SIPA1L3: variants seen among roughly 807,000 people sequenced by gnomAD.
The protein encoded by SIPA1L3 is signal-induced proliferation-associated 1-like protein 3.
A neutral mutation model predicts 150.1 loss-of-function variants in SIPA1L3; 59 were observed. That is an observed-to-expected ratio of 0.39 (90% CI 0.32 to 0.49). The LOEUF is 0.49. Among genes scored for constraint, SIPA1L3 ranks in the 20% least tolerant of loss-of-function variants. The pLI is 0.86. For synonymous variants in SIPA1L3, 1,070 were observed against 1,077.6 expected, an observed-to-expected ratio of 0.99 and a Z score of 0.14; for missense variants, 2,211 against 2,489.5, an observed-to-expected ratio of 0.89 and a Z score of 2.38.
intron 1 of SIPA1L3, among the ~76,000 whole-genome samples, chr19:37,975,847 G>A (rs1055906271): frequency 6.6e-6 from 1 of 152,112 alleles, no homozygotes; most frequent in Admixed American, 6.5e-5. Context: ...GCTCACGCCT[G>A]TAATCCCAGC....
chr19:38,048,235 C>A (rs1478058273), intron 2 of SIPA1L3, among the ~76,000 whole-genome samples: 1 of 152,106 alleles, frequency 6.6e-6, no homozygotes. Flanking sequence ...ACCATCTGGC[C>A]AATGGTTAAG....
At chr19:38,152,407 C>T (rs912155079) in intron 12 of SIPA1L3, among the ~76,000 whole-genome samples, 3 of 152,212 alleles carry the variant, frequency 2.0e-5, no homozygotes, top group South Asian at 4.1e-4. Context: ...AACTCAGGGC[C>T]TGCTGCACCC....
intron 1 of SIPA1L3, among the ~76,000 whole-genome samples, chr19:37,922,618 C>T (rs1321668964): frequency 6.6e-6 from 1 of 151,216 alleles, no homozygotes; most frequent in East Asian, 2.0e-4. Context: ...TGGTCTCGAT[C>T]TCCTGACCTC....
intron 1 of SIPA1L3, among the ~76,000 whole-genome samples, chr19:38,019,261 C>T (rs1968312188): frequency 6.6e-6 from 1 of 152,206 alleles, no homozygotes; most frequent in Non-Finnish European, 1.5e-5. Flanking sequence ...GGCAGCTTCA[C>T]AGTCATCAAG....
chr19:38,126,205 AAAC>A (rs1414601946), intron 9 of SIPA1L3, among the ~76,000 whole-genome samples: 1 of 151,146 alleles, frequency 6.6e-6, no homozygotes, highest in Non-Finnish European at 1.5e-5. Flanking sequence ...AAACAAAACA[AAAC>A]AAAAAAAAAC....
intron 9 of SIPA1L3, among the ~76,000 whole-genome samples, chr19:38,124,724 G>C (rs1484481424): frequency 1.3e-5 from 2 of 152,248 alleles, no homozygotes; most frequent in African/African-American, 4.8e-5. Flanking sequence ...TGAGCACTGA[G>C]TGAACCAGAC....
At chr19:38,100,653 G>A (rs1305075331) in intron 5 of SIPA1L3, among the ~76,000 whole-genome samples, 3 of 152,212 alleles carry the variant, frequency 2.0e-5, no homozygotes, top group Admixed American at 6.5e-5. Flanking sequence ...GTTATTGGGA[G>A]CCCACTCCCT....
chr19:38,135,205 C>T (rs1407624000), intron 10 of SIPA1L3, among the ~76,000 whole-genome samples: 1 of 152,210 alleles, frequency 6.6e-6, no homozygotes, highest in East Asian at 1.9e-4. Flanking sequence ...CTTCCTGAGT[C>T]GTGCTTGCTC....
intron 1 of SIPA1L3, among the ~76,000 whole-genome samples, chr19:37,933,304 G>A (rs2046572070): frequency 6.6e-6 from 1 of 151,794 alleles, no homozygotes; most frequent in African/African-American, 2.4e-5. Context: ...CCCCAGCGCC[G>A]CCTCCCTCCC....
At chr19:38,038,211 C>G (rs1347549597) in intron 2 of SIPA1L3, among the ~76,000 whole-genome samples, 1 of 152,044 alleles carries the variant, frequency 6.6e-6, no homozygotes, top group African/African-American at 2.4e-5. Flanking sequence ...GTAGAGTGGA[C>G]AGGACTTGCT....
At chr19:37,926,458 C>G (rs576757733) in intron 1 of SIPA1L3, among the ~76,000 whole-genome samples, 83 of 152,186 alleles carry the variant, frequency 5.5e-4, no homozygotes, top group Non-Finnish European at 1.1e-3. Context: ...CGGACTCTTG[C>G]TGGGTGTTTG....
rs758424293 is a variant in SIPA1L3 at position 38,193,615 on chromosome 19, A to C, written c.4675A>C (p.Ser1559Arg). The change falls in exon 18 of 22, where the codon AGC (serine) becomes CGC (arginine). Residue 1559 changes from serine to arginine, a missense_variant. Transcript: ENST00000222345. The stretch of plus-strand genomic sequence containing the variant: ...CGGGCGCCGGGAGCCCAGCTTCGCC[A>C]GCCCCGCTGGCCTAGAGCCAGGGCT... Reference protein sequence around the residue: ...CSGRREPSFASPAGLEPGLPS... With the variant: ...CSGRREPSFARPAGLEPGLPS... 3.8e-6 allele frequency: 6 copies of C among 1,568,724 alleles called. No individual in the cohort carries two copies. In the Admixed American group the frequency reaches 9.0e-5, roughly 23 times the overall value.
chr19:38,099,911 C>A (rs376690033), intron 4 of SIPA1L3, 51 bp from the exon 5 acceptor site: 3 of 1,423,824 alleles, frequency 2.1e-6, no homozygotes, highest in Non-Finnish European at 2.9e-6. Context: ...TGCTCTTATC[C>A]CTTTTTAGGT....
chr19:38,192,643 T>G (rs1275649900), intron 17 of SIPA1L3, among the ~76,000 whole-genome samples: 1 of 152,140 alleles, frequency 6.6e-6, no homozygotes, highest in African/African-American at 2.4e-5. Flanking sequence ...CCACAGGGAC[T>G]GAGAGTGGAG....
At chr19:38,111,685 C>T (rs1456180824) in intron 8 of SIPA1L3, among the ~76,000 whole-genome samples, 4 of 152,222 alleles carry the variant, frequency 2.6e-5, no homozygotes. Flanking sequence ...ATGTTGCCCG[C>T]TGGCTACTGG....
intron 9 of SIPA1L3, among the ~76,000 whole-genome samples, chr19:38,127,578 TC>T (rs959170513): frequency 6.6e-6 from 1 of 151,984 alleles, no homozygotes; most frequent in African/African-American, 2.4e-5. Context: ...GCAGTGTCAC[TC>T]TCCTGGGCTC....
intron 1 of SIPA1L3, among the ~76,000 whole-genome samples, chr19:37,982,499 C>G (rs1164445910): frequency 6.6e-6 from 1 of 152,152 alleles, no homozygotes; most frequent in Admixed American, 6.5e-5. Flanking sequence ...TCATGTAATC[C>G]TCGCAGTAGC....
chr19:38,132,809 G>A (rs1032122615), intron 10 of SIPA1L3, among the ~76,000 whole-genome samples: 7 of 151,700 alleles, frequency 4.6e-5, no homozygotes, highest in African/African-American at 1.7e-4. Flanking sequence ...CACCACACCT[G>A]GCTAAATTTC....
At chr19:38,118,614 A>G (rs1333115791) in intron 8 of SIPA1L3, among the ~76,000 whole-genome samples, 1 of 149,038 alleles carries the variant, frequency 6.7e-6, no homozygotes, top group African/African-American at 2.5e-5. Context: ...GCTCACTGCA[A>G]CCTCCGCCTC....
Sources: allele counts gnomAD v4.1 joint callset (sites outside exome capture counted in the v4.1 genomes callset), GRCh38; gene constraint gnomAD v4.1.1; transcripts MANE v1.5; gene names NCBI Gene and HGNC (gene_info 2026-07-23, HGNC 2026-07-21).